The following TES variants were observed in gnomAD, a reference collection of about 807,000 sequenced individuals.
TES encodes the protein testin LIM domain protein, also known as testin.
A neutral mutation model predicts 48.2 loss-of-function variants in TES; 41 were observed. The observed-to-expected ratio is 0.85, with a 90% CI of 0.66 to 1.10. TES has a LOEUF of 1.10. TES is among the 50% of genes least tolerant of loss of function. TES has a pLI of 0.00. For missense variants in TES, 463 were observed against 515.1 expected, an observed-to-expected ratio of 0.90 and a Z score of 0.98; for synonymous variants, 162 against 174.9, an observed-to-expected ratio of 0.93 and a Z score of 0.58.
intron 3 of TES, 31 bp from the exon 4 acceptor site, chr7:116,250,130 C>A: frequency 6.7e-7 from 1 of 1,483,980 alleles, no homozygotes; most frequent in Non-Finnish European, 9.0e-7. Context: ...AATGGCCAAT[C>A]CCAGTTAACA....
At chr7:116,216,542 C>T (rs1799496449) in intron 1 of TES, among the ~76,000 whole-genome samples, 1 of 151,678 alleles carries the variant, frequency 6.6e-6, no homozygotes, top group South Asian at 2.1e-4. Context: ...TATCAGTAGT[C>T]TACCATGTGT....
At chr7:116,236,644 C>A (rs910678494) in intron 2 of TES, among the ~76,000 whole-genome samples, 1 of 152,054 alleles carries the variant, frequency 6.6e-6, no homozygotes, top group Non-Finnish European at 1.5e-5. Context: ...TGCCAAAAAC[C>A]GCTCGTGAGA....
At chr7:116,211,718 C>T (rs922980357) in intron 1 of TES, among the ~76,000 whole-genome samples, 1 of 152,150 alleles carries the variant, frequency 6.6e-6, no homozygotes, top group African/African-American at 2.4e-5. Flanking sequence ...TTTTGTTTTT[C>T]TCATACTCAT....
intron 2 of TES, 40 bp downstream of exon 2, chr7:116,234,659 C>G: frequency 6.5e-7 from 1 of 1,531,860 alleles, no homozygotes; most frequent in South Asian, 1.1e-5. Flanking sequence ...GTAATTTATA[C>G]TTTTTGCAAT....
intron 3 of TES, chr7:116,249,626 G>GA: frequency 5.1e-6 from 1 of 194,452 alleles, no homozygotes; most frequent in East Asian, 1.3e-4. Flanking sequence ...GTTTAGAACT[G>GA]AAAAAAATAT....
At chr7:116,255,997 A>T (rs1174247013) in intron 6 of TES, among the ~76,000 whole-genome samples, 1 of 152,232 alleles carries the variant, frequency 6.6e-6, no homozygotes, top group African/African-American at 2.4e-5. Context: ...AGTTGCTTGC[A>T]TGGTGCAGCT....
chr7:116,226,582 C>T (rs1289999853), intron 1 of TES, among the ~76,000 whole-genome samples: 1 of 152,150 alleles, frequency 6.6e-6, no homozygotes, highest in Non-Finnish European at 1.5e-5. Context: ...TTATTAAAAC[C>T]ATCTAGCAAG....
chr7:116,229,846 G>C (rs997971050), intron 1 of TES, among the ~76,000 whole-genome samples: 1 of 152,188 alleles, frequency 6.6e-6, no homozygotes, highest in Non-Finnish European at 1.5e-5. Flanking sequence ...AAATGCTAGA[G>C]TGTGAATCAC....
At chr7:116,240,553 TACAA>T (rs1258798093) in intron 2 of TES, among the ~76,000 whole-genome samples, 3 of 152,160 alleles carry the variant, frequency 2.0e-5, no homozygotes, top group South Asian at 2.1e-4. Context: ...ATTCTTTTTG[TACAA>T]ACAACTTTTT....
intron 2 of TES, among the ~76,000 whole-genome samples, chr7:116,248,598 AT>A (rs1799959482): frequency 6.6e-6 from 1 of 152,076 alleles, no homozygotes; most frequent in Non-Finnish European, 1.5e-5. Context: ...TTTGAGAAAT[AT>A]CTGTTCATGT....
At chr7:116,220,802 C>T (rs1416103323) in intron 1 of TES, among the ~76,000 whole-genome samples, 1 of 152,126 alleles carries the variant, frequency 6.6e-6, no homozygotes, top group Non-Finnish European at 1.5e-5. Flanking sequence ...CCCTGTAAAC[C>T]TTAGTATCCT....
chr7:116,219,733 T>G (rs1799534615), intron 1 of TES, among the ~76,000 whole-genome samples: 1 of 152,188 alleles, frequency 6.6e-6, no homozygotes, highest in Non-Finnish European at 1.5e-5. Flanking sequence ...ATTACTTCAG[T>G]CTACCACGTG....
chr7:116,254,758 ATGTGTGTGTG>A (rs202115399), intron 6 of TES, among the ~76,000 whole-genome samples: 17 of 116,802 alleles, frequency 1.5e-4, no homozygotes, highest in South Asian at 1.4e-3. Context: ...ATATATATAT[ATGTGTGTGTG>A]TGTGTGTGTG....
chr7:116,224,137 C>A (rs1035855279), intron 1 of TES, among the ~76,000 whole-genome samples: 4 of 152,190 alleles, frequency 2.6e-5, no homozygotes, highest in African/African-American at 9.7e-5. Flanking sequence ...TGGGCAGGCC[C>A]ATGTGAGAAA....
Position 116,251,807 on chromosome 7 carries a change from C to T in TES, c.750C>T (p.Ile250=), listed in dbSNP as rs768507835. The T allele has an allele frequency of 9.9e-6, 16 of 1,614,216 alleles. No homozygotes were observed. The highest frequency in any genetic ancestry group is 1.3e-5 in the Non-Finnish European group (15 of 1,180,042). ...GTATGAAAGAAGGTGACCCAGCCAT[C>T]TATGCCGAAAGGGCTGGCTATGATA... ...KLSMKEGDPA[I]YAERAGYDKL... The change falls in exon 5 of 7, where the codon ATC becomes ATT. Residue 250 remains isoleucine, a synonymous_variant. Coordinates refer to ENST00000358204, the MANE Select transcript of TES (RefSeq NM_015641.4).
intron 1 of TES, among the ~76,000 whole-genome samples, chr7:116,216,716 G>GTACTTAAT (rs1245235163): frequency 6.6e-6 from 1 of 151,936 alleles, no homozygotes; most frequent in African/African-American, 2.4e-5. Context: ...CAACTTGTTT[G>GTACTTAAT]TACTTAATTT....
In TES at chr7:116,228,255, A is replaced by T. The variant is rs4727829; in HGVS notation, c.28-6279A>T. On this transcript the variant is annotated intron_variant, in intron 1 of 6. Coordinates refer to ENST00000358204, the MANE Select transcript of TES (RefSeq NM_015641.4). ...AAAGATACTTAAGACCTATTTGTCT[A>T]TGATTCGTGTTTCACAGTAAAATTA... 3.9e-5 allele frequency among the ~76,000 whole-genome samples: 6 copies of T among 152,112 alleles called. No individual in the cohort carries two copies. The South Asian group carries it at 1.0e-3, about 26-fold the overall frequency.
chr7:116,230,225 C>T (rs559768892), intron 1 of TES, among the ~76,000 whole-genome samples: 17 of 151,534 alleles, frequency 1.1e-4, no homozygotes, highest in African/African-American at 3.7e-4. Context: ...ACCCATTCCA[C>T]TCTCTTTCAC....
At chr7:116,230,096 G>A (rs938525648) in intron 1 of TES, among the ~76,000 whole-genome samples, 1 of 152,156 alleles carries the variant, frequency 6.6e-6, no homozygotes, top group Admixed American at 6.5e-5. Context: ...TTCTCTAGCT[G>A]CTAAAAGTGA....
Sources: allele counts gnomAD v4.1 joint callset (sites outside exome capture counted in the v4.1 genomes callset), GRCh38; gene constraint gnomAD v4.1.1; transcripts MANE v1.5; gene names NCBI Gene and HGNC (gene_info 2026-07-23, HGNC 2026-07-21).